The following SEMA3E variants were observed in gnomAD, a reference collection of about 807,000 sequenced individuals.
SEMA3E encodes the protein semaphorin-3E.
SEMA3E carries 49 observed loss-of-function variants against 93.6 expected under a neutral mutation model. The observed-to-expected ratio is 0.52, with a 90% CI of 0.42 to 0.66. The LOEUF (loss-of-function observed/expected upper bound fraction) is 0.66, where lower values mean the gene tolerates loss of function less well. SEMA3E is among the 30% of genes least tolerant of loss of function. The pLI is 0.00. For synonymous variants in SEMA3E, 363 were observed against 330.7 expected (o/e 1.10, Z -1.06); for missense variants, 906 against 964.8 (o/e 0.94, Z 0.81).
At chr7:83,646,259 T>A (rs1306522024) in intron 1 of SEMA3E, among the ~76,000 whole-genome samples, 2 of 152,122 alleles carry the variant, frequency 1.3e-5, no homozygotes, top group Non-Finnish European at 2.9e-5. Context: ...ATCTGTAATA[T>A]CTTATTCCTA....
chr7:83,560,404 A>G (rs1792006359), intron 1 of SEMA3E, among the ~76,000 whole-genome samples: 1 of 152,094 alleles, frequency 6.6e-6, no homozygotes, highest in Non-Finnish European at 1.5e-5. Flanking sequence ...GTTGTTTTAT[A>G]AAAACATAGT....
At chr7:83,424,907 G>A in intron 4 of SEMA3E, 1 of 279,256 alleles carries the variant, frequency 3.6e-6, no homozygotes, top group Non-Finnish European at 7.2e-6. Flanking sequence ...CTCAGGAGGT[G>A]CTGTCAGCCT....
intron 1 of SEMA3E, among the ~76,000 whole-genome samples, chr7:83,596,967 C>T (rs769734932): frequency 2.0e-4 from 30 of 152,148 alleles, no homozygotes; most frequent in Non-Finnish European, 2.5e-4. Context: ...GTTCCAATTA[C>T]AGTATGCCCA....
At chr7:83,447,487 G>A (rs1050357951) in intron 4 of SEMA3E, among the ~76,000 whole-genome samples, 1 of 152,090 alleles carries the variant, frequency 6.6e-6, no homozygotes, top group South Asian at 2.1e-4. Flanking sequence ...GCAGTGAGCC[G>A]AGATCATGCC....
intron 4 of SEMA3E, chr7:83,424,894 C>G: frequency 3.6e-6 from 1 of 278,154 alleles, no homozygotes; most frequent in South Asian, 4.8e-5. Flanking sequence ...ACAGAGATGC[C>G]TACTCAGGAG....
intron 5 of SEMA3E, among the ~76,000 whole-genome samples, chr7:83,418,183 C>G (rs1584235251): frequency 1.3e-5 from 2 of 152,080 alleles, no homozygotes; most frequent in African/African-American, 2.4e-5. Flanking sequence ...GTGAGACACA[C>G]ACACTTTATA....
At chr7:83,456,531 A>C (rs1179520704) in intron 4 of SEMA3E, among the ~76,000 whole-genome samples, 1 of 152,002 alleles carries the variant, frequency 6.6e-6, no homozygotes, top group Non-Finnish European at 1.5e-5. Flanking sequence ...TATTCTAAGA[A>C]AAATCTTCTT....
intron 4 of SEMA3E, among the ~76,000 whole-genome samples, chr7:83,457,957 T>A (rs2115844680): frequency 6.6e-6 from 1 of 152,242 alleles, no homozygotes; most frequent in African/African-American, 2.4e-5. Context: ...CATGTAAAAT[T>A]GCATCAAGCC....
At chr7:83,382,264 C>T (rs1174297225) in intron 16 of SEMA3E, among the ~76,000 whole-genome samples, 1 of 151,968 alleles carries the variant, frequency 6.6e-6, no homozygotes, top group Non-Finnish European at 1.5e-5. Flanking sequence ...TCAGTTACCT[C>T]ATCTATAAAA....
chr7:83,635,261 A>C (rs910245203), intron 1 of SEMA3E, among the ~76,000 whole-genome samples: 3 of 151,768 alleles, frequency 2.0e-5, no homozygotes, highest in African/African-American at 7.3e-5. Flanking sequence ...GCTGTTTTCA[A>C]AAGAAATTAT....
intron 16 of SEMA3E, among the ~76,000 whole-genome samples, chr7:83,373,945 G>A (rs771971315): frequency 3.9e-5 from 6 of 152,052 alleles, no homozygotes; most frequent in African/African-American, 7.2e-5. Context: ...GGTGTTTCAC[G>A]CCTGTAATCC....
chr7:83,444,628 T>C (rs1789186577), intron 4 of SEMA3E, among the ~76,000 whole-genome samples: 1 of 151,252 alleles, frequency 6.6e-6, no homozygotes. Context: ...AAAGAATTCC[T>C]GCAATCATCA....
chr7:83,524,413 T>A (rs1791110087), intron 1 of SEMA3E, among the ~76,000 whole-genome samples: 1 of 152,106 alleles, frequency 6.6e-6, no homozygotes, highest in Non-Finnish European at 1.5e-5. Context: ...GGACATTTAG[T>A]CAAAGGAAAA....
At chr7:83,465,907 G>T (rs1789745719) in intron 4 of SEMA3E, among the ~76,000 whole-genome samples, 1 of 152,098 alleles carries the variant, frequency 6.6e-6, no homozygotes, top group Non-Finnish European at 1.5e-5. Context: ...GGATTCAGTT[G>T]GGATTTGCTT....
intron 2 of SEMA3E, among the ~76,000 whole-genome samples, chr7:83,472,870 T>G (rs1437946073): frequency 6.6e-6 from 1 of 152,146 alleles, no homozygotes; most frequent in East Asian, 1.9e-4. Flanking sequence ...TCTCACAAGA[T>G]CTGATAGTTT....
intron 2 of SEMA3E, among the ~76,000 whole-genome samples, chr7:83,474,644 G>A (rs1442809757): frequency 6.6e-6 from 1 of 152,174 alleles, no homozygotes; most frequent in Non-Finnish European, 1.5e-5. Context: ...AAAAGATGTT[G>A]ATGTTAGCAA....
At chr7:83,443,146 C>G (rs1789153947) in intron 4 of SEMA3E, among the ~76,000 whole-genome samples, 1 of 152,176 alleles carries the variant, frequency 6.6e-6, no homozygotes, top group Non-Finnish European at 1.5e-5. Context: ...ACTGCCCATA[C>G]TAACCATCAA....
chr7:83,573,915 AATTT>A (rs1455025929), intron 1 of SEMA3E, among the ~76,000 whole-genome samples: 1 of 151,892 alleles, frequency 6.6e-6, no homozygotes, highest in Non-Finnish European at 1.5e-5. Flanking sequence ...AGCTCTAATT[AATTT>A]ATTACTAGCT....
intron 1 of SEMA3E, among the ~76,000 whole-genome samples, chr7:83,630,098 A>G (rs546272107): frequency 1.3e-5 from 2 of 152,078 alleles, no homozygotes; most frequent in East Asian, 3.9e-4. Context: ...GCTTCGGCTC[A>G]CCCTCTGTGG....
Sources: gnomAD v4.1 joint callset for allele counts (sites outside exome capture counted in the v4.1 genomes callset) on GRCh38, gnomAD v4.1.1 for gene constraint, MANE v1.5 for transcripts, NCBI Gene and HGNC (gene_info 2026-07-23, HGNC 2026-07-21) for gene names.